The following NKIRAS1 variants were observed in gnomAD, a reference collection of about 807,000 sequenced individuals.
The protein encoded by NKIRAS1 is NFKB inhibitor interacting Ras like 1, also known as NF-kappa-B inhibitor-interacting Ras-like protein 1.
NKIRAS1 carries 16 observed loss-of-function variants against 19.8 expected under a neutral mutation model. The observed-to-expected ratio is 0.81, with a 90% CI of 0.55 to 1.23. The LOEUF is 1.23. NKIRAS1 is among the 50% of genes most tolerant of loss of function. NKIRAS1 has a pLI of 0.00. For synonymous variants in NKIRAS1, 88 were observed against 79.0 expected (o/e 1.11, Z -0.61); for missense variants, 184 against 220.0 (o/e 0.84, Z 1.04).
In NKIRAS1 at chr3:23,895,566, C is replaced by A. The variant is rs547411987; in HGVS notation, c.337-2229G>T. On this transcript the variant is annotated intron_variant, in intron 4 of 4. Transcript: ENST00000425478. The stretch of plus-strand genomic sequence containing the variant: ...TCCCACCATATTCACCCGGCAAAAC[C>A]CCTCCCTTGTTAAATTTAACTATTA... Among the ~76,000 whole-genome samples the A allele has an allele frequency of 6.6e-5, 10 of 152,204 alleles. 1 individual carries two copies. The South Asian group carries it at 2.1e-3, about 32-fold the overall frequency.
At chr3:23,921,593 TCCAGATGGAGTC>T, upstream of NKIRAS1, 2 of 627,460 alleles carry the variant, frequency 3.2e-6, no homozygotes, top group South Asian at 1.6e-5. Flanking sequence ...TTTTTTTTTT[TCCAGATGGAGTC>T]TCACTCTCAC....
In NKIRAS1 at chr3:23,946,236, G is replaced by T. The variant is rs983174522; in HGVS notation, c.-140+87C>A. Reference sequence around the variant, plus strand: ...CTGACACCGCAGTGCACCGGACGCCGCACGCTCTTTTCGCGAGGTGACCCC... The same window carrying T: ...CTGACACCGCAGTGCACCGGACGCCTCACGCTCTTTTCGCGAGGTGACCCC... On this transcript the variant is annotated intron_variant, in intron 1 of 4. Transcript: ENST00000421515. The T allele has an allele frequency of 8.1e-6, 8 of 985,332 alleles. No homozygotes were observed. The African/African-American group carries it at 1.0e-4, about 13-fold the overall frequency. 61.0% of individuals were successfully genotyped at this position (985,332 alleles called of 1,614,324 possible).
intron 4 of NKIRAS1, among the ~76,000 whole-genome samples, chr3:23,895,978 C>CA (rs1330616687): frequency 1.3e-5 from 2 of 151,354 alleles, no homozygotes; most frequent in South Asian, 2.1e-4. Context: ...ACTAAAAATA[C>CA]AAAAAAAATA....
chr3:23,893,578 T>C (rs1053078530), intron 4 of NKIRAS1, among the ~76,000 whole-genome samples: 6 of 152,024 alleles, frequency 3.9e-5, no homozygotes, highest in African/African-American at 1.2e-4. Flanking sequence ...AGGCCGAGGC[T>C]CGTGGATCTC....
intron 4 of NKIRAS1, among the ~76,000 whole-genome samples, chr3:23,895,261 C>T (rs1701869693): frequency 6.6e-6 from 1 of 152,138 alleles, no homozygotes; most frequent in African/African-American, 2.4e-5. Flanking sequence ...ATCCTCCTGC[C>T]TCAGCTCCGC....
At chr3:23,928,123 C>CACACAT (rs1476602127) in intron 1 of NKIRAS1, among the ~76,000 whole-genome samples, 7 of 150,586 alleles carry the variant, frequency 4.6e-5, no homozygotes, top group African/African-American at 1.5e-4. Flanking sequence ...CACACACACA[C>CACACAT]ACACATACAC....
intron 1 of NKIRAS1, among the ~76,000 whole-genome samples, chr3:23,943,816 G>C (rs1214780291): frequency 6.6e-6 from 1 of 152,216 alleles, no homozygotes; most frequent in Non-Finnish European, 1.5e-5. Context: ...GAAGGGTTTG[G>C]GTATCAAGAC....
At chr3:23,898,442 ATTTT>A (rs749239072) in intron 4 of NKIRAS1, among the ~76,000 whole-genome samples, 1 of 139,676 alleles carries the variant, frequency 7.2e-6, no homozygotes, top group African/African-American at 2.6e-5. Flanking sequence ...ATATTGTATG[ATTTT>A]TTTTTTTTTT....
chr3:23,914,379 A>T (rs887986200), intron 1 of NKIRAS1, among the ~76,000 whole-genome samples: 2 of 152,222 alleles, frequency 1.3e-5, no homozygotes, highest in Admixed American at 1.3e-4. Context: ...CACTGTTAAC[A>T]TCATAGGAGA....
intron 1 of NKIRAS1, among the ~76,000 whole-genome samples, chr3:23,928,765 G>T (rs1705254906): frequency 6.6e-6 from 1 of 151,242 alleles, no homozygotes; most frequent in Admixed American, 6.6e-5. Context: ...GCCGAGAAGG[G>T]TGGATTGCCT....
At chr3:23,904,028 G>A (rs773608690) in intron 3 of NKIRAS1, among the ~76,000 whole-genome samples, 9 of 152,196 alleles carry the variant, frequency 5.9e-5, no homozygotes, top group South Asian at 2.1e-4. Flanking sequence ...AGCTGGGCAC[G>A]GTGGTGCGCA....
At chr3:23,905,964 G>C (rs559910612) in intron 3 of NKIRAS1, among the ~76,000 whole-genome samples, 12 of 152,116 alleles carry the variant, frequency 7.9e-5, no homozygotes, top group African/African-American at 2.9e-4. Flanking sequence ...TTCAAGACCA[G>C]CTGGAGCAAC....
At position 23,890,700 on chromosome 3, in the gene NKIRAS1, A is replaced by G; in HGVS notation, c.*2395T>C. ...TCAGGGAGGGTGGGAGTTGGTAAAGAGTAGGGTATTTCTATAACAGATATT... is the reference window on the plus strand; with the variant it reads ...TCAGGGAGGGTGGGAGTTGGTAAAGGGTAGGGTATTTCTATAACAGATATT... On this transcript the variant is annotated 3_prime_UTR_variant, in exon 5 of 5. Transcript: ENST00000425478. The G allele has an allele frequency of 9.0e-7, 1 of 1,106,380 alleles. No homozygotes were observed. The highest frequency in any genetic ancestry group is 1.3e-6 in the Non-Finnish European group (1 of 781,456). The allele number at this position is 1,106,380 out of a possible 1,614,324, so 68.5% of individuals were successfully genotyped here.
Position 23,922,852 on chromosome 3 carries a change from T to G in NKIRAS1, c.-139-11402A>C, listed in dbSNP as rs1705135179. On this transcript the variant is annotated intron_variant, in intron 1 of 4. Coordinates refer to the NKIRAS1 transcript ENST00000421515. The surrounding 1 kb of genome is among the most constrained non-coding windows in gnomAD (Gnocchi z 4.2). ...GACAGGGTCTCACTGTTGCCCAGGCTGGAGTGTAGTGGCGCGTTCACAACT... is the reference window on the plus strand; with the variant it reads ...GACAGGGTCTCACTGTTGCCCAGGCGGGAGTGTAGTGGCGCGTTCACAACT... 1 of 152,262 alleles carries G rather than the reference T, an allele frequency of 6.6e-6. No individual in the cohort carries two copies. The highest frequency in any genetic ancestry group is 2.4e-5 in the African/African-American group (1 of 41,468). 9.4% of individuals were successfully genotyped at this position (152,262 alleles called of 1,614,324 possible).
upstream of NKIRAS1, chr3:23,919,679 C>A: frequency 2.2e-6 from 3 of 1,392,210 alleles, no homozygotes; most frequent in Middle Eastern, 2.6e-4. Context: ...TATCTTGTTT[C>A]TAATAAGATA....
At chr3:23,920,273 A>G (rs1705001468), upstream of NKIRAS1, 1 of 985,782 alleles carries the variant, frequency 1.0e-6, no homozygotes, top group Non-Finnish European at 1.2e-6. Flanking sequence ...TTAGGGGGAA[A>G]GTAGTTGGCT....
At chr3:23,896,252 T>A (rs1344954271) in intron 4 of NKIRAS1, among the ~76,000 whole-genome samples, 1 of 151,216 alleles carries the variant, frequency 6.6e-6, no homozygotes, top group Non-Finnish European at 1.5e-5. Context: ...CGGACAAGGG[T>A]GTCACTCCAG....
At chr3:23,894,342 C>T (rs1701767840) in intron 4 of NKIRAS1, among the ~76,000 whole-genome samples, 1 of 152,180 alleles carries the variant, frequency 6.6e-6, no homozygotes, top group African/African-American at 2.4e-5. Flanking sequence ...GATCTTGGAA[C>T]CACTACTGTC....
intron 1 of NKIRAS1, among the ~76,000 whole-genome samples, chr3:23,938,273 G>A (rs1207290306): frequency 4.1e-5 from 6 of 147,174 alleles, no homozygotes; most frequent in African/African-American, 1.5e-4. Context: ...GCAGTAGTAC[G>A]ATCACAACTC....
Sources: allele counts gnomAD v4.1 joint callset (sites outside exome capture counted in the v4.1 genomes callset), GRCh38; gene constraint gnomAD v4.1.1; non-coding constraint Gnocchi (gnomAD v3.1); transcripts MANE v1.5; gene names NCBI Gene and HGNC (gene_info 2026-07-23, HGNC 2026-07-21).